CHRM3: variants seen among roughly 807,000 people sequenced by gnomAD.
CHRM3 encodes the protein muscarinic acetylcholine receptor M3.
A neutral mutation model predicts 41.8 loss-of-function variants in CHRM3; 11 were observed. The observed-to-expected ratio is 0.26, with a 90% CI of 0.17 to 0.44. The LOEUF (loss-of-function observed/expected upper bound fraction) is 0.44. Among genes scored for constraint, CHRM3 ranks in the 20% least tolerant of loss-of-function variants. The pLI, the probability that CHRM3 is intolerant of heterozygous loss-of-function variation, is 1.00. For synonymous variants in CHRM3, 297 were observed against 301.4 expected, an observed-to-expected ratio of 0.99 and a Z score of 0.15; for missense variants, 571 against 745.4, an observed-to-expected ratio of 0.77 and a Z score of 2.72.
At chr1:239,442,080 C>G (rs1253782472) in intron 1 of CHRM3, among the ~76,000 whole-genome samples, 1 of 152,080 alleles carries the variant, frequency 6.6e-6, no homozygotes, top group African/African-American at 2.4e-5. Flanking sequence ...AGTTCCACAG[C>G]AGGGTTCAGC....
intron 5 of CHRM3, among the ~76,000 whole-genome samples, chr1:239,701,567 C>G (rs1372322086): frequency 6.6e-6 from 1 of 152,212 alleles, no homozygotes; most frequent in East Asian, 1.9e-4. Flanking sequence ...CAGTAATTAC[C>G]TAGCTCAGCT....
intron 4 of CHRM3, among the ~76,000 whole-genome samples, chr1:239,675,391 C>T (rs1304223955): frequency 1.3e-5 from 2 of 152,128 alleles, no homozygotes; most frequent in African/African-American, 4.8e-5. Flanking sequence ...CTATTTGTTG[C>T]ATCCTACCCA....
Position 239,736,777 on chromosome 1 carries a change from C to T in CHRM3, c.-147+58489C>T, listed in dbSNP as rs114688453. Among the ~76,000 whole-genome samples, 308 of 152,196 alleles carry T rather than the reference C, an allele frequency of 2.0e-3. 2 individuals carry two copies. The highest frequency in any genetic ancestry group is 2.6e-3 in the Non-Finnish European group (177 of 67,984). On this transcript the variant is annotated intron_variant, in intron 5 of 6. Transcript: ENST00000676153. ...TTGTGTTGTTAATGTTTTGTTTTCT[C>T]ATATATAATAAAGTGTAATTAAGTA...
chr1:239,725,207 A>G lies in CHRM3; in HGVS notation c.-147+46919A>G, dbSNP rs1663325430. 1.3e-5 allele frequency among the ~76,000 whole-genome samples: 2 copies of G among 152,034 alleles called. 1 individual carries two copies. Among genetic ancestry groups the G allele is most frequent in the African/African-American group, 4.8e-5 (2 of 41,526 alleles). On this transcript the variant is annotated intron_variant, in intron 5 of 6. Coordinates refer to ENST00000676153, the MANE Select transcript of CHRM3 (RefSeq NM_001375978.1). ...TTCTTTGTTTTGGTAGTATAACGCT[A>G]GCATACTTTATGAAATGATTATGTC...
At chr1:239,556,656 A>T (rs908258678) in intron 3 of CHRM3, among the ~76,000 whole-genome samples, 2 of 152,162 alleles carry the variant, frequency 1.3e-5, no homozygotes, top group Non-Finnish European at 2.9e-5. Context: ...AAAGTACATT[A>T]GACAGATTAT....
At chr1:239,444,072 C>A (rs947341946) in intron 1 of CHRM3, among the ~76,000 whole-genome samples, 4 of 152,124 alleles carry the variant, frequency 2.6e-5, no homozygotes, top group Non-Finnish European at 5.9e-5. Context: ...AGGCACCAGG[C>A]TCAGCATGTT....
rs534300313 is a variant in CHRM3, at chr1:239,825,119, C to T, written c.-146-2133C>T. On this transcript the variant is annotated intron_variant, in intron 5 of 6. Transcript: ENST00000676153. ...TGTCCTTATGGGACATACAGTCCAGCGGATGCCTTTTTAATTCTGAGAAAT... is the reference window on the plus strand; with the variant it reads ...TGTCCTTATGGGACATACAGTCCAGTGGATGCCTTTTTAATTCTGAGAAAT... Among the ~76,000 whole-genome samples the T allele has an allele frequency of 1.1e-4, 16 of 152,316 alleles. No individual in the cohort carries two copies. In the South Asian group the frequency reaches 1.7e-3, roughly 16 times the overall value.
chr1:239,760,992 A>G (rs76076482), intron 5 of CHRM3, among the ~76,000 whole-genome samples: 4 of 10,634 alleles, frequency 3.8e-4, no homozygotes, highest in Middle Eastern at 0.25. Flanking sequence ...CAAACCACTA[A>G]TATGTCTGAG....
intron 5 of CHRM3, among the ~76,000 whole-genome samples, chr1:239,776,925 T>C (rs1668132916): frequency 6.6e-6 from 1 of 152,110 alleles, no homozygotes. Context: ...GAGAACAGCA[T>C]GGAGGTAACC....
At chr1:239,672,619 C>CACAG (rs1258285972) in intron 4 of CHRM3, among the ~76,000 whole-genome samples, 1 of 151,594 alleles carries the variant, frequency 6.6e-6, no homozygotes, top group African/African-American at 2.4e-5. Flanking sequence ...CACACACACA[C>CACAG]ACACACACAC....
chr1:239,511,482 CA>C (rs1174736050), intron 2 of CHRM3, among the ~76,000 whole-genome samples: 1 of 152,138 alleles, frequency 6.6e-6, no homozygotes, highest in East Asian at 1.9e-4. Flanking sequence ...ACAAAAGTAT[CA>C]AATGTGATTT....
At chr1:239,866,523 T>C (rs1480404033) in intron 6 of CHRM3, among the ~76,000 whole-genome samples, 1 of 152,116 alleles carries the variant, frequency 6.6e-6, no homozygotes, top group Non-Finnish European at 1.5e-5. Context: ...TTTAAATACC[T>C]TTGTAAACTA....
rs567215775 is a variant in CHRM3 at position 239,824,478 on chromosome 1, TA to T, written c.-146-2769del. 4.6e-5 allele frequency among the ~76,000 whole-genome samples: 7 copies of T among 152,290 alleles called. No individual in the cohort carries two copies. The East Asian group carries it at 1.4e-3, about 29-fold the overall frequency. On this transcript the variant is annotated intron_variant, in intron 5 of 6. Transcript: ENST00000676153. ...TAATCACAAAGTTAGGTGAAAATGATAAAAACCTCTTATCTACAGATAAGCA... is the reference window on the plus strand; with the variant it reads ...TAATCACAAAGTTAGGTGAAAATGATAAAACCTCTTATCTACAGATAAGCA...
chr1:239,458,955 CATT>C (rs1168819589), intron 1 of CHRM3, among the ~76,000 whole-genome samples: 3 of 152,136 alleles, frequency 2.0e-5, no homozygotes, highest in African/African-American at 7.2e-5. Flanking sequence ...TACTTACTCT[CATT>C]ATAATGAAAT....
rs1480058638 is a variant in CHRM3, at chr1:239,387,536, G to T, written c.-521+309G>T. Among the ~76,000 whole-genome samples, 1 of 151,988 alleles carries T rather than the reference G, an allele frequency of 6.6e-6. No homozygotes were observed. The highest frequency in any genetic ancestry group is 2.0e-4 in the East Asian group (1 of 5,112). ...GACGGGAATCATGCGAGCGGTGGCCGGGAGAGAGTCGGGGACGTCCCACCC... is the reference window on the plus strand; with the variant it reads ...GACGGGAATCATGCGAGCGGTGGCCTGGAGAGAGTCGGGGACGTCCCACCC... On this transcript the variant is annotated intron_variant, in intron 1 of 6. Transcript: ENST00000676153. This position sits in a 1 kb window ranked among gnomAD's most constrained non-coding sequence, Gnocchi z 5.1.
rs188833898 is a variant in CHRM3 at position 239,867,459 on chromosome 1, G to A, written c.-19-39974G>A. ...TCCCAGCACTTTGGGAAGCCGCGGC[G>A]GGCAGATCATTTGAGGTCAGGAATT... On this transcript the variant is annotated intron_variant, in intron 6 of 6. Coordinates refer to ENST00000676153, the MANE Select transcript of CHRM3 (RefSeq NM_001375978.1). Among the ~76,000 whole-genome samples the A allele has an allele frequency of 6.2e-4, 94 of 152,206 alleles. 1 individual carries two copies. Among genetic ancestry groups the A allele is most frequent in the African/African-American group, 2.0e-3 (84 of 41,554 alleles).
chr1:239,528,391 CTG>C (rs917079037), intron 2 of CHRM3, among the ~76,000 whole-genome samples: 2 of 152,186 alleles, frequency 1.3e-5, no homozygotes, highest in African/African-American at 4.8e-5. Context: ...CCTTTCTGTC[CTG>C]CACTGGCCCC....
intron 3 of CHRM3, among the ~76,000 whole-genome samples, chr1:239,619,537 A>G (rs934780812): frequency 6.6e-6 from 1 of 152,194 alleles, no homozygotes. Flanking sequence ...AATCAATTCC[A>G]AAGTGTAATT....
At chr1:239,897,806 A>C (rs1393626881) in intron 6 of CHRM3, among the ~76,000 whole-genome samples, 1 of 152,228 alleles carries the variant, frequency 6.6e-6, no homozygotes, top group Non-Finnish European at 1.5e-5. Context: ...AATGCAAGGA[A>C]ACATCAGTCG....
Sources: allele counts gnomAD v4.1 joint callset (sites outside exome capture counted in the v4.1 genomes callset), GRCh38; gene constraint gnomAD v4.1.1; non-coding constraint Gnocchi (gnomAD v3.1); transcripts MANE v1.5; gene names NCBI Gene and HGNC (gene_info 2026-07-23, HGNC 2026-07-21).